Variants in ZNF469 observed in about 807,000 individuals in gnomAD.
The protein encoded by ZNF469 is zinc finger protein 469.
ZNF469 carries 1 observed loss-of-function variant against 1.0 expected under a neutral mutation model. The observed-to-expected ratio is 1.00, with a 90% CI of 0.35 to 4.73. The LOEUF is 4.73. Among genes scored for constraint, ZNF469 ranks in the 30% most tolerant of loss-of-function variants. The pLI, the probability that ZNF469 is intolerant of heterozygous loss-of-function variation, is 0.16. For synonymous variants in ZNF469, 2,703 were observed against 2,363.4 expected, an observed-to-expected ratio of 1.14 and a Z score of -4.17; for missense variants, 6,100 against 5,356.3, an observed-to-expected ratio of 1.14 and a Z score of -4.33.
At chr16:88,183,975 C>T in the ZNF469 span, among the ~76,000 whole-genome samples, 8 of 152,030 alleles carry the variant, frequency 5.3e-5, no homozygotes, top group African/African-American at 1.9e-4. Context: ...CCTTGCCACC[C>T]CAGCCCTTTC....
chr16:88,357,804 A>T, the ZNF469 span, among the ~76,000 whole-genome samples: 1 of 152,198 alleles, frequency 6.6e-6, no homozygotes, highest in Non-Finnish European at 1.5e-5. Flanking sequence ...CTGCCTCCCA[A>T]ACTGTGGTTG....
At chr16:88,113,539 G>A in the ZNF469 span, among the ~76,000 whole-genome samples, 1 of 152,212 alleles carries the variant, frequency 6.6e-6, no homozygotes, top group Admixed American at 6.5e-5. Context: ...AGGACCTGTG[G>A]CTGAAGCCCG....
At chr16:88,217,155 T>TA in the ZNF469 span, among the ~76,000 whole-genome samples, 51,440 of 151,698 alleles carry the variant, frequency 0.34, 8,999 homozygotes, top group South Asian at 0.4. Context: ...GATTGAATAC[T>TA]AACACGGTGA....
the ZNF469 span, among the ~76,000 whole-genome samples, chr16:88,277,812 CG>C: frequency 3.6e-5 from 1 of 27,448 alleles, no homozygotes; most frequent in African/African-American, 9.3e-5. Flanking sequence ...TGCGTCACAC[CG>C]ACGCTCGGTC....
At position 88,428,951 on chromosome 16, in the gene ZNF469, G is replaced by A. The variant is rs1345400270; in HGVS notation, c.1481G>A (p.Ser494Asn). The change falls in exon 3 of 3, where the codon AGT becomes AAT. Residue 494 changes from serine to asparagine, a missense_variant. Transcript: ENST00000565624. Reference protein sequence around the residue: ...WPQVLPTARPSPHGMEMLSRL... With the variant: ...WPQVLPTARPNPHGMEMLSRL... ...CAAGTGCTCCCGACCGCCCGGCCAA[G>A]TCCCCACGGAATGGAGATGCTGAGC... The A allele has an allele frequency of 7.8e-6, 12 of 1,547,652 alleles. No individual in the cohort carries two copies. Among genetic ancestry groups the A allele is most frequent in the Non-Finnish European group, 8.7e-6 (10 of 1,146,148 alleles).
the ZNF469 span, among the ~76,000 whole-genome samples, chr16:88,337,636 G>A: frequency 1.3e-5 from 2 of 152,170 alleles, no homozygotes; most frequent in African/African-American, 4.8e-5. Flanking sequence ...CCATTTGCAA[G>A]GCACGAGGAC....
At chr16:88,290,196 C>T in the ZNF469 span, among the ~76,000 whole-genome samples, 1 of 152,210 alleles carries the variant, frequency 6.6e-6, no homozygotes, top group Non-Finnish European at 1.5e-5. Context: ...GTACGCTGCA[C>T]CACTGTCGCG....
chr16:88,437,403 G>A lies in ZNF469; in HGVS notation c.9933G>A (p.Pro3311=), dbSNP rs1906668142. 3.3e-6 allele frequency: 5 copies of A among 1,525,590 alleles called. No individual in the cohort carries two copies. Among genetic ancestry groups the A allele is most frequent in the Non-Finnish European group, 3.5e-6 (4 of 1,134,708 alleles). 94.5% of individuals were successfully genotyped at this position (1,525,590 alleles called of 1,614,324 possible). A position where few individuals can be genotyped will look rare whatever the true frequency, so the allele number is the denominator to read the frequency against. ...GCCCCCCCAGGACGACCCCCAGCCC[G>A]TCCCCCGACCCCTGGGCCGGCGGGG... The part of the protein sequence containing the change: ...SPGPPRTTPS[P]SPDPWAGGEP... Residue 3311 remains proline (P), a synonymous_variant, in exon 3 of 3, where the codon CCG becomes CCA. Coordinates refer to ENST00000565624, the MANE Select transcript of ZNF469 (RefSeq NM_001367624.2).
chr16:88,179,554 A>G, the ZNF469 span, among the ~76,000 whole-genome samples: 2 of 152,276 alleles, frequency 1.3e-5, no homozygotes, highest in South Asian at 4.2e-4. Context: ...TAGCCACACA[A>G]ATGTTCACCT....
the ZNF469 span, among the ~76,000 whole-genome samples, chr16:88,297,772 C>G: frequency 6.6e-6 from 1 of 152,248 alleles, no homozygotes; most frequent in African/African-American, 2.4e-5. Context: ...ATCATCTCGT[C>G]TCCAGAACCT....
At chr16:88,384,344 C>T (rs1378620045) in intron 1 of ZNF469, among the ~76,000 whole-genome samples, 1 of 152,208 alleles carries the variant, frequency 6.6e-6, no homozygotes, top group Non-Finnish European at 1.5e-5. Flanking sequence ...TCTCAGTGCC[C>T]AGCCTGTCCT....
the ZNF469 span, among the ~76,000 whole-genome samples, chr16:88,367,495 A>G: frequency 1.3e-5 from 2 of 152,252 alleles, no homozygotes; most frequent in African/African-American, 2.4e-5. Context: ...ATGGGGCACC[A>G]GAACATTTGC....
the ZNF469 span, among the ~76,000 whole-genome samples, chr16:88,141,628 G>T: frequency 2.6e-5 from 4 of 152,244 alleles, no homozygotes; most frequent in Non-Finnish European, 5.9e-5. Context: ...GGCCTGTGCA[G>T]ATGGGACTGA....
In ZNF469 at chr16:88,435,155, T is replaced by G. The variant is rs763370615; in HGVS notation, c.7685T>G (p.Leu2562Arg). 2.1e-5 allele frequency: 33 copies of G among 1,550,330 alleles called. No homozygotes were observed. The highest frequency in any genetic ancestry group is 2.9e-5 in the Non-Finnish European group (33 of 1,146,976). ...PPPAQGSKEV[L>R]RAPGSPHSQQ... ...CCTGCCCAGGGCTCAAAGGAGGTTCTCAGAGCACCGGGGTCCCCACACAGC... is the reference window on the plus strand; with the variant it reads ...CCTGCCCAGGGCTCAAAGGAGGTTCGCAGAGCACCGGGGTCCCCACACAGC... The change falls in exon 3 of 3, where the codon CTC becomes CGC. Residue 2562 changes from leucine (L) to arginine (R), a missense_variant. Physicochemically the swap from Leu to Arg is moderately radical, Grantham distance 102. Coordinates refer to ENST00000565624, the MANE Select transcript of ZNF469 (RefSeq NM_001367624.2).
chr16:88,112,167 G>A, the ZNF469 span, among the ~76,000 whole-genome samples: 5 of 151,128 alleles, frequency 3.3e-5, no homozygotes, highest in East Asian at 2.0e-4. Flanking sequence ...GGCCAGGCGC[G>A]TTGGCTAACG....
chr16:88,213,719 T>C, the ZNF469 span, among the ~76,000 whole-genome samples: 1 of 152,188 alleles, frequency 6.6e-6, no homozygotes, highest in African/African-American at 2.4e-5. Flanking sequence ...CTAAGAGCTT[T>C]TCCGGGAGTC....
At chr16:88,157,117 C>T in the ZNF469 span, among the ~76,000 whole-genome samples, 2 of 152,288 alleles carry the variant, frequency 1.3e-5, no homozygotes, top group South Asian at 4.1e-4. Flanking sequence ...GTCCCGGAGG[C>T]TCCACAACCA....
chr16:88,354,608 G>A, the ZNF469 span, among the ~76,000 whole-genome samples: 37 of 117,188 alleles, frequency 3.2e-4, no homozygotes, highest in African/African-American at 1.2e-3. Context: ...GGGTGCGTGC[G>A]AAGGCGCTTC....
At chr16:88,151,005 T>A in the ZNF469 span, among the ~76,000 whole-genome samples, 2 of 152,172 alleles carry the variant, frequency 1.3e-5, no homozygotes, top group Non-Finnish European at 2.9e-5. The surrounding 1 kb of genome is among the most constrained non-coding windows in gnomAD (Gnocchi z 5.4). Context: ...AAAGTGCTTA[T>A]GTATAATTTA....
Sources: allele counts gnomAD v4.1 joint callset (sites outside exome capture counted in the v4.1 genomes callset), GRCh38; gene constraint gnomAD v4.1.1; non-coding constraint Gnocchi (gnomAD v3.1); transcripts MANE v1.5; gene names NCBI Gene and HGNC (gene_info 2026-07-23, HGNC 2026-07-21).